NKAIN2: variants seen among roughly 807,000 people sequenced by gnomAD.
NKAIN2 encodes sodium/potassium transporting ATPase interacting 2, also known as sodium/potassium-transporting ATPase subunit beta-1-interacting protein 2.
In NKAIN2, 14 loss-of-function variants were observed where a neutral mutation model predicts 32.6. The observed-to-expected ratio is 0.43, with a 90% CI of 0.28 to 0.67. NKAIN2 has a LOEUF of 0.67. NKAIN2 is among the 30% of genes least tolerant of loss of function. The pLI is 0.17. For synonymous variants in NKAIN2, 80 were observed against 87.2 expected, an observed-to-expected ratio of 0.92 and a Z score of 0.46; for missense variants, 198 against 258.3, an observed-to-expected ratio of 0.77 and a Z score of 1.60.
intron 3 of NKAIN2, among the ~76,000 whole-genome samples, chr6:124,376,995 T>C (rs1163833137): frequency 6.6e-6 from 1 of 152,222 alleles, no homozygotes; most frequent in East Asian, 1.9e-4. Context: ...TGTTGATGGA[T>C]GCTTGGTAAA....
chr6:124,249,906 C>T (rs1395344218), intron 1 of NKAIN2, among the ~76,000 whole-genome samples: 1 of 152,062 alleles, frequency 6.6e-6, no homozygotes, highest in Non-Finnish European at 1.5e-5. Flanking sequence ...AGAAAGAAGT[C>T]CTGTCACAGA....
chr6:124,680,622 T>A (rs770524797), intron 4 of NKAIN2, among the ~76,000 whole-genome samples: 8 of 152,078 alleles, frequency 5.3e-5, no homozygotes, highest in Non-Finnish European at 1.2e-4. Context: ...TATTTATTGA[T>A]TCAAATACTG....
intron 4 of NKAIN2, among the ~76,000 whole-genome samples, chr6:124,739,094 AC>A (rs200862778): frequency 3.4e-4 from 41 of 120,780 alleles, no homozygotes; most frequent in Non-Finnish European, 6.1e-4. Context: ...AGTTAAGCCA[AC>A]TGTTCAATAT....
intron 3 of NKAIN2, among the ~76,000 whole-genome samples, chr6:124,517,907 A>G (rs948397063): frequency 1.3e-5 from 2 of 152,120 alleles, no homozygotes; most frequent in African/African-American, 4.8e-5. Context: ...AGATGTAAGT[A>G]ACATTTGATT....
At chr6:124,197,929 C>T (rs1790401538) in intron 1 of NKAIN2, among the ~76,000 whole-genome samples, 1 of 149,926 alleles carries the variant, frequency 6.7e-6, no homozygotes, top group African/African-American at 2.5e-5. Context: ...TATATAGCTC[C>T]AGAAACTCAG....
intron 2 of NKAIN2, among the ~76,000 whole-genome samples, chr6:124,332,228 T>TAC (rs779027822): frequency 0.022 from 3,245 of 150,736 alleles, 74 homozygotes; most frequent in African/African-American, 0.06. Flanking sequence ...TGTGTGTATA[T>TAC]ACACACACAC....
rs192395984 is a variant in NKAIN2 at position 124,412,270 on chromosome 6, G to C, written c.273+56923G>C. ...ATGTGCTGTGAATTTTAGAGTTTCT[G>C]GTTTTTCTGCTCTGTTTTTTCCCCA... On this transcript the variant is annotated intron_variant, in intron 3 of 6. Transcript: ENST00000368417. 1.1e-3 allele frequency among the ~76,000 whole-genome samples: 171 copies of C among 152,156 alleles called. 1 individual carries two copies. The highest frequency in any genetic ancestry group is 3.8e-3 in the African/African-American group (159 of 41,500).
At chr6:124,017,406 C>G (rs1287456118) in intron 1 of NKAIN2, among the ~76,000 whole-genome samples, 1 of 152,082 alleles carries the variant, frequency 6.6e-6, no homozygotes, top group Non-Finnish European at 1.5e-5. Context: ...ACCAGTCATG[C>G]CTTCCCAACA....
At chr6:124,120,951 G>A (rs1236039516) in intron 1 of NKAIN2, among the ~76,000 whole-genome samples, 1 of 152,082 alleles carries the variant, frequency 6.6e-6, no homozygotes, top group Non-Finnish European at 1.5e-5. Flanking sequence ...GATACTCATG[G>A]TTCTATTAAG....
chr6:123,993,706 G>T (rs117953212), intron 1 of NKAIN2, among the ~76,000 whole-genome samples: 1,567 of 152,202 alleles, frequency 0.01, 23 homozygotes, highest in Non-Finnish European at 0.015. Context: ...TTTATTTATG[G>T]TTCATATAAA....
intron 1 of NKAIN2, among the ~76,000 whole-genome samples, chr6:123,903,343 C>T (rs1183485839): frequency 6.6e-6 from 1 of 151,696 alleles, no homozygotes; most frequent in African/African-American, 2.4e-5. Flanking sequence ...GTTTTAAATT[C>T]CTACCAAAAT....
Position 124,656,331 on chromosome 6 carries a change from T to C in NKAIN2, c.274-1855T>C, listed in dbSNP as rs532066900. ...CTGACATTATAATAAAAAATCCAAA[T>C]TGTATTCAAAATTAAACTTCTTCCT... On this transcript the variant is annotated intron_variant, in intron 3 of 6. Transcript: ENST00000368417. Among the ~76,000 whole-genome samples, 39 of 152,274 alleles carry C rather than the reference T, an allele frequency of 2.6e-4. No individual in the cohort carries two copies. In the South Asian group the frequency reaches 8.1e-3, roughly 32 times the overall value.
At chr6:124,265,802 A>G (rs930784702) in intron 1 of NKAIN2, among the ~76,000 whole-genome samples, 1 of 152,232 alleles carries the variant, frequency 6.6e-6, no homozygotes. Context: ...GCAAAACAGT[A>G]TAACACCTGG....
At chr6:124,538,581 A>C (rs1350452602) in intron 3 of NKAIN2, among the ~76,000 whole-genome samples, 3 of 152,104 alleles carry the variant, frequency 2.0e-5, no homozygotes, top group Non-Finnish European at 2.9e-5. Flanking sequence ...ATTTAAGAAC[A>C]TACCCATTTT....
At chr6:124,217,826 T>G (rs543791241) in intron 1 of NKAIN2, among the ~76,000 whole-genome samples, 32 of 152,066 alleles carry the variant, frequency 2.1e-4, no homozygotes, top group Middle Eastern at 3.4e-3. Flanking sequence ...TATCTATATA[T>G]AGAGAGAGAT....
chr6:124,685,266 T>A (rs1306443080), intron 4 of NKAIN2, among the ~76,000 whole-genome samples: 1 of 152,176 alleles, frequency 6.6e-6, no homozygotes, highest in African/African-American at 2.4e-5. Context: ...TCTACCTATT[T>A]TAGTTTCTGT....
At chr6:124,444,355 T>C (rs1486176105) in intron 3 of NKAIN2, among the ~76,000 whole-genome samples, 1 of 152,060 alleles carries the variant, frequency 6.6e-6, no homozygotes, top group Non-Finnish European at 1.5e-5. Context: ...TGAATGAATG[T>C]ATGGCACACA....
intron 4 of NKAIN2, among the ~76,000 whole-genome samples, chr6:124,712,672 C>T (rs557228455): frequency 1.8e-4 from 27 of 151,810 alleles, no homozygotes; most frequent in African/African-American, 5.3e-4. Flanking sequence ...GGCCCTGCTT[C>T]GGCTCGTGCA....
chr6:124,154,147 A>G (rs1359734650), intron 1 of NKAIN2, among the ~76,000 whole-genome samples: 1 of 151,828 alleles, frequency 6.6e-6, no homozygotes, highest in Non-Finnish European at 1.5e-5. Context: ...ATGTTAAACA[A>G]ATTTTACAGT....
Sources: gnomAD v4.1 joint callset for allele counts (sites outside exome capture counted in the v4.1 genomes callset) on GRCh38, gnomAD v4.1.1 for gene constraint, MANE v1.5 for transcripts, NCBI Gene and HGNC (gene_info 2026-07-23, HGNC 2026-07-21) for gene names.